SYCP2: variants seen among roughly 807,000 people sequenced by gnomAD.
The protein encoded by SYCP2 is synaptonemal complex protein 2, also known as synaptonemal complex lateral element protein.
A neutral mutation model predicts 211.3 loss-of-function variants in SYCP2; 55 were observed. The ratio of observed to expected loss-of-function variants is 0.26; its 90% CI spans 0.21 to 0.33. The LOEUF (loss-of-function observed/expected upper bound fraction) is 0.33, where lower values mean the gene tolerates loss of function less well. Among genes scored for constraint, SYCP2 ranks in the 10% least tolerant of loss-of-function variants. The pLI is 1.00. For synonymous variants in SYCP2, 570 were observed against 555.2 expected (o/e 1.03, Z -0.37); for missense variants, 1,731 against 1,752.0 (o/e 0.99, Z 0.21).
intron 2 of SYCP2, among the ~76,000 whole-genome samples, chr20:59,931,742 A>T (rs1405780426): frequency 6.6e-6 from 1 of 152,194 alleles, no homozygotes; most frequent in African/African-American, 2.4e-5. Flanking sequence ...CTTTTGCACG[A>T]AGTCAGTTGG....
intron 20 of SYCP2, 151 bp downstream of exon 20, chr20:59,895,286 C>T: frequency 1.7e-6 from 1 of 586,904 alleles, no homozygotes; most frequent in Non-Finnish European, 2.8e-6. Flanking sequence ...CCAGAAGGAC[C>T]CTACTTTCAA....
At chr20:59,906,555 T>C (rs1331404855) in intron 15 of SYCP2, among the ~76,000 whole-genome samples, 1 of 152,148 alleles carries the variant, frequency 6.6e-6, no homozygotes, top group African/African-American at 2.4e-5. Flanking sequence ...AATTTGAGAT[T>C]ATAATACTCC....
Position 59,880,338 on chromosome 20 carries a change from T to C in SYCP2, c.2906A>G (p.Asn969Ser), listed in dbSNP as rs202224692. Residue 969 changes from asparagine (N) to serine (S), a missense_variant, in exon 31 of 45, where the codon AAT (asparagine) becomes AGT (serine). Physicochemically the swap from Asn to Ser is conservative, Grantham distance 46 (BLOSUM62 1). This residue lies in a region of SYCP2 where 1,387 missense variants were observed against 1,351.3 expected (regional missense o/e 1.03). Coordinates refer to ENST00000357552, the MANE Select transcript of SYCP2 (RefSeq NM_014258.4). The stretch of plus-strand genomic sequence containing the variant: ...ACTTTTATGATTCTTCACATTTTTA[T>C]TTCTGCTATAGTCTATTAGCTGTGG... ...SKPQLIDYSRNKNVKNHKSGK... is the reference protein window; with the variant it reads ...SKPQLIDYSRSKNVKNHKSGK... The C allele has an allele frequency of 2.5e-6, 4 of 1,592,540 alleles. No individual in the cohort carries two copies. The East Asian group carries it at 9.0e-5, about 36-fold the overall frequency.
At chr20:59,875,249 G>GA in intron 34 of SYCP2, 22 bp downstream of exon 34, 2 of 1,510,636 alleles carry the variant, frequency 1.3e-6, no homozygotes, top group Non-Finnish European at 1.8e-6. Context: ...TTCAAGTAAA[G>GA]AAAAAACAAA....
chr20:59,930,359 T>C (rs1191286236), intron 2 of SYCP2, among the ~76,000 whole-genome samples: 4 of 152,236 alleles, frequency 2.6e-5, no homozygotes, highest in African/African-American at 9.6e-5. Context: ...TTTTAGTCTC[T>C]GCTTCAGAAC....
intron 5 of SYCP2, among the ~76,000 whole-genome samples, chr20:59,919,865 G>A (rs1028539226): frequency 1.7e-4 from 26 of 151,376 alleles, no homozygotes; most frequent in Admixed American, 2.6e-4. Flanking sequence ...GTTAGGGTAC[G>A]TTTATTATAA....
rs115536956 is a variant in SYCP2 at position 59,903,551 on chromosome 20, G to T, written c.1034-1741C>A. 3.8e-3 allele frequency among the ~76,000 whole-genome samples: 585 copies of T among 152,200 alleles called. 4 individuals carry two copies. The highest frequency in any genetic ancestry group is 0.013 in the African/African-American group (560 of 41,558). ...TGAACTGATGGAGCAAAGACTTGGAGAATGTGTGTGGAGAACTTGGAGAAA... is the reference window on the plus strand; with the variant it reads ...TGAACTGATGGAGCAAAGACTTGGATAATGTGTGTGGAGAACTTGGAGAAA... On this transcript the variant is annotated intron_variant, in intron 15 of 44. Coordinates refer to ENST00000357552, the MANE Select transcript of SYCP2 (RefSeq NM_014258.4).
intron 15 of SYCP2, among the ~76,000 whole-genome samples, chr20:59,906,692 T>C (rs1193571518): frequency 6.6e-6 from 1 of 152,032 alleles, no homozygotes; most frequent in African/African-American, 2.4e-5. Context: ...CAAGTAGATT[T>C]CAAAATTTAA....
chr20:59,868,751 C>A, intron 37 of SYCP2, 84 bp downstream of exon 37: 1 of 1,347,858 alleles, frequency 7.4e-7, no homozygotes. Flanking sequence ...AACGGTATGA[C>A]TTAAAATACA....
chr20:59,929,067 A>AG (rs1044985433), intron 2 of SYCP2, among the ~76,000 whole-genome samples: 21 of 152,136 alleles, frequency 1.4e-4, no homozygotes, highest in African/African-American at 5.1e-4. Flanking sequence ...CAAATCAAGG[A>AG]GGAAAAAAAA....
intron 2 of SYCP2, among the ~76,000 whole-genome samples, chr20:59,931,238 G>A (rs2060734770): frequency 6.6e-6 from 1 of 152,174 alleles, no homozygotes; most frequent in South Asian, 2.1e-4. Flanking sequence ...TGGGCAACAT[G>A]GTGAGATCCT....
At chr20:59,900,631 T>C in intron 17 of SYCP2, 113 bp downstream of exon 17, 1 of 735,788 alleles carries the variant, frequency 1.4e-6, no homozygotes, top group Non-Finnish European at 2.3e-6. Context: ...ACTGTTTATA[T>C]TGAGACCATT....
intron 15 of SYCP2, among the ~76,000 whole-genome samples, chr20:59,906,186 A>C (rs1418514076): frequency 6.6e-6 from 1 of 152,160 alleles, no homozygotes; most frequent in Non-Finnish European, 1.5e-5. Flanking sequence ...TCCAGCAAGC[A>C]ATTGATAAAC....
Position 59,875,208 on chromosome 20 carries a change from CA to C in SYCP2, c.3349+62del. 4 of 1,047,688 alleles carry C rather than the reference CA, an allele frequency of 3.8e-6. No homozygotes were observed. The South Asian group carries it at 5.3e-5, about 14-fold the overall frequency. 64.9% of individuals were successfully genotyped at this position (1,047,688 alleles called of 1,614,324 possible). On this transcript the variant is annotated intron_variant, in intron 34 of 44. Transcript: ENST00000357552. ...AATTAGTCTTAAAATTGTATTTTCC[CA>C]TAATTAGAGTTATAGAAAACTATTG...
intron 2 of SYCP2, among the ~76,000 whole-genome samples, chr20:59,923,594 T>G (rs2060580238): frequency 6.6e-6 from 1 of 151,772 alleles, no homozygotes; most frequent in South Asian, 2.1e-4. Flanking sequence ...TCCCAGCTAC[T>G]CTGGAGGCTG....
At chr20:59,925,809 T>C (rs1299926811) in intron 2 of SYCP2, among the ~76,000 whole-genome samples, 1 of 152,180 alleles carries the variant, frequency 6.6e-6, no homozygotes, top group East Asian at 1.9e-4. Context: ...TACTATAATT[T>C]ATTATCAATC....
chr20:59,897,696 T>C (rs1404873830), intron 18 of SYCP2, among the ~76,000 whole-genome samples: 1 of 152,098 alleles, frequency 6.6e-6, no homozygotes, highest in African/African-American at 2.4e-5. Flanking sequence ...AACATAAACA[T>C]GCCAAAATAT....
chr20:59,866,066 G>T (rs1290932219), intron 41 of SYCP2, among the ~76,000 whole-genome samples: 2 of 151,660 alleles, frequency 1.3e-5, no homozygotes, highest in African/African-American at 4.8e-5. Flanking sequence ...AAATAAAATT[G>T]AAAGTAAAAT....
intron 1 of SYCP2, among the ~76,000 whole-genome samples, chr20:59,933,053 C>A (rs542660726): frequency 7.9e-5 from 12 of 152,158 alleles, no homozygotes; most frequent in African/African-American, 2.6e-4. Context: ...ACCCGAGATG[C>A]GCCCCAGGCC....
Sources: allele counts gnomAD v4.1 joint callset (sites outside exome capture counted in the v4.1 genomes callset), GRCh38; gene constraint gnomAD v4.1.1; regional missense constraint gnomAD v4.1.1; transcripts MANE v1.5; gene names NCBI Gene and HGNC (gene_info 2026-07-23, HGNC 2026-07-21).